The following GLIS3 variants were observed in gnomAD, a reference collection of about 807,000 sequenced individuals.
GLIS3 encodes the protein GLIS family zinc finger 3.
GLIS3 carries 53 observed loss-of-function variants against 78.6 expected under a neutral mutation model. The observed-to-expected ratio is 0.67, with a 90% CI of 0.54 to 0.85. GLIS3 has a LOEUF of 0.85. Ranked by LOEUF, GLIS3 falls within the 40% of genes least tolerant of loss-of-function variation. The pLI is 0.00. For synonymous variants in GLIS3, 684 were observed against 509.9 expected (o/e 1.34, Z -4.60); for missense variants, 1,703 against 1,231.1 (o/e 1.38, Z -5.74).
intron 2 of GLIS3, among the ~76,000 whole-genome samples, chr9:4,148,497 T>A (rs17209975): frequency 6.6e-6 from 1 of 151,884 alleles, no homozygotes; most frequent in African/African-American, 2.4e-5. Context: ...AACTCCCACA[T>A]AGTTATTCAT....
chr9:4,120,671 CT>C (rs748639841), intron 3 of GLIS3, among the ~76,000 whole-genome samples: 2 of 152,174 alleles, frequency 1.3e-5, no homozygotes, highest in Non-Finnish European at 2.9e-5. Flanking sequence ...AGACAACTGA[CT>C]GCTTTACACC....
intron 4 of GLIS3, among the ~76,000 whole-genome samples, chr9:3,940,275 A>AT (rs1233012019): frequency 6.6e-6 from 1 of 151,908 alleles, no homozygotes; most frequent in African/African-American, 2.4e-5. Flanking sequence ...TATCCTTCTT[A>AT]TTTTTTTTCA....
At chr9:4,261,899 G>A (rs960070067) in intron 2 of GLIS3, among the ~76,000 whole-genome samples, 6 of 152,094 alleles carry the variant, frequency 3.9e-5, no homozygotes, top group East Asian at 1.9e-4. Flanking sequence ...ATAGCACATC[G>A]CAACTAGTGT....
chr9:4,017,740 G>A (rs1822553740), intron 4 of GLIS3, among the ~76,000 whole-genome samples: 1 of 152,118 alleles, frequency 6.6e-6, no homozygotes, highest in Admixed American at 6.6e-5. Context: ...GAATGTGCAG[G>A]GGATATACCC....
At chr9:4,201,126 A>C (rs1376201941) in intron 2 of GLIS3, among the ~76,000 whole-genome samples, 1 of 152,196 alleles carries the variant, frequency 6.6e-6, no homozygotes, top group African/African-American at 2.4e-5. Flanking sequence ...TTTTTATAAA[A>C]TCAAACATGC....
chr9:3,839,736 A>T (rs1016752956), intron 9 of GLIS3, among the ~76,000 whole-genome samples: 32 of 152,162 alleles, frequency 2.1e-4, no homozygotes, highest in African/African-American at 7.2e-4. Context: ...AATCAATTTA[A>T]ATACAATCTT....
In GLIS3 at chr9:4,022,739, A is replaced by G. The variant is rs183482044; in HGVS notation, c.1711-85550T>C. Among the ~76,000 whole-genome samples the G allele has an allele frequency of 3.4e-3, 520 of 152,348 alleles. 2 individuals are homozygous for G. Among genetic ancestry groups the G allele is most frequent in the African/African-American group, 9.9e-3 (412 of 41,568 alleles). On this transcript the variant is annotated intron_variant, in intron 4 of 10. Coordinates refer to ENST00000381971, the MANE Select transcript of GLIS3 (RefSeq NM_001042413.2). ...CCAGTGAAACAGTATTCCACAAGGT[A>G]AAGAAATGAGCTACTGATACATGCA...
At chr9:4,112,913 C>G (rs1373062061) in intron 4 of GLIS3, among the ~76,000 whole-genome samples, 1 of 152,072 alleles carries the variant, frequency 6.6e-6, no homozygotes, top group Non-Finnish European at 1.5e-5. Flanking sequence ...ACCCTCACAT[C>G]CCATCTCTTT....
chr9:4,109,382 T>A (rs1412290331), intron 4 of GLIS3, among the ~76,000 whole-genome samples: 1 of 152,220 alleles, frequency 6.6e-6, no homozygotes, highest in African/African-American at 2.4e-5. Context: ...TGGTCTCTAG[T>A]CTTCCCCAGA....
chr9:3,831,657 A>AT (rs1372502939), intron 9 of GLIS3, among the ~76,000 whole-genome samples: 2 of 152,228 alleles, frequency 1.3e-5, no homozygotes, highest in Non-Finnish European at 2.9e-5. Flanking sequence ...ACATTAAGAA[A>AT]TTCTGCACAG....
intron 2 of GLIS3, among the ~76,000 whole-genome samples, chr9:4,166,911 G>A (rs908606004): frequency 6.6e-5 from 10 of 152,212 alleles, no homozygotes; most frequent in African/African-American, 2.4e-4. Context: ...GAAGGAAGGG[G>A]ATAAAAGCAA....
intron 6 of GLIS3, among the ~76,000 whole-genome samples, chr9:3,925,980 G>C (rs1825194797): frequency 6.6e-6 from 1 of 152,178 alleles, no homozygotes; most frequent in Admixed American, 6.6e-5. Flanking sequence ...AGTGTACTCA[G>C]AGAATCACAA....
chr9:4,020,909 C>T (rs1285911089), intron 4 of GLIS3, among the ~76,000 whole-genome samples: 3 of 152,168 alleles, frequency 2.0e-5, no homozygotes, highest in African/African-American at 7.2e-5. Context: ...CACAAATCAA[C>T]TTCCACCTGC....
intron 2 of GLIS3, among the ~76,000 whole-genome samples, chr9:4,238,554 G>T (rs780431499): frequency 3.9e-5 from 6 of 152,190 alleles, no homozygotes; most frequent in African/African-American, 7.2e-5. Flanking sequence ...GAACTCAGAA[G>T]GCCCGTGTGA....
At chr9:3,968,323 G>A (rs1818114171) in intron 4 of GLIS3, among the ~76,000 whole-genome samples, 1 of 152,120 alleles carries the variant, frequency 6.6e-6, no homozygotes, top group Non-Finnish European at 1.5e-5. Flanking sequence ...TGATGATAGG[G>A]AGCTTAACAG....
chr9:4,217,299 C>T (rs1271244596), intron 2 of GLIS3, among the ~76,000 whole-genome samples: 2 of 152,128 alleles, frequency 1.3e-5, no homozygotes, highest in Admixed American at 1.3e-4. Flanking sequence ...GGTTGTAAAC[C>T]ATTTGCCCTA....
At chr9:4,130,539 C>G (rs926961576) in intron 2 of GLIS3, among the ~76,000 whole-genome samples, 1 of 152,248 alleles carries the variant, frequency 6.6e-6, no homozygotes, top group African/African-American at 2.4e-5. Flanking sequence ...GGCCCAGGTA[C>G]AGCTCAGGCC....
At chr9:4,455,391 C>G in the GLIS3 span, among the ~76,000 whole-genome samples, 1 of 152,064 alleles carries the variant, frequency 6.6e-6, no homozygotes, top group African/African-American at 2.4e-5. Context: ...TGGCTGCAAC[C>G]TCCAAGAAGA....
At chr9:4,074,608 G>A (rs1270142800) in intron 4 of GLIS3, among the ~76,000 whole-genome samples, 5 of 151,938 alleles carry the variant, frequency 3.3e-5, no homozygotes, top group Non-Finnish European at 7.4e-5. Flanking sequence ...ATCATTTACT[G>A]TATCATAGGA....
Sources: gnomAD v4.1 joint callset for allele counts (sites outside exome capture counted in the v4.1 genomes callset) on GRCh38, gnomAD v4.1.1 for gene constraint, MANE v1.5 for transcripts, NCBI Gene and HGNC (gene_info 2026-07-23, HGNC 2026-07-21) for gene names.